Variants in RNF220 observed in about 807,000 individuals in gnomAD.
RNF220 encodes ring finger protein 220.
Under a neutral mutation model 67.1 loss-of-function variants are expected in RNF220, and 7 were observed. The ratio of observed to expected loss-of-function variants is 0.10; its 90% CI spans 0.06 to 0.20. The LOEUF is 0.20. RNF220 is among the 10% of genes least tolerant of loss of function. The pLI is 1.00. For missense variants in RNF220, 565 were observed against 740.3 expected, an observed-to-expected ratio of 0.76 and a Z score of 2.75; for synonymous variants, 270 against 283.2, an observed-to-expected ratio of 0.95 and a Z score of 0.47.
chr1:44,533,785 T>G (rs1661005193), intron 2 of RNF220, among the ~76,000 whole-genome samples: 2 of 152,170 alleles, frequency 1.3e-5, no homozygotes, highest in African/African-American at 4.8e-5. Context: ...GAGTTGGCAC[T>G]GGAAAAAAGT....
chr1:44,426,216 G>T (rs1341654089), intron 2 of RNF220, among the ~76,000 whole-genome samples: 1 of 152,190 alleles, frequency 6.6e-6, no homozygotes, highest in Non-Finnish European at 1.5e-5. Context: ...TGGCTCAGAG[G>T]CACAGTGCTT....
chr1:44,557,655 TTA>T, intron 2 of RNF220, among the ~76,000 whole-genome samples: 1 of 152,314 alleles, frequency 6.6e-6, no homozygotes. Flanking sequence ...TTAAATTCAT[TTA>T]TGTTTTCTGC....
chr1:44,553,142 C>G (rs1267624585), intron 2 of RNF220, among the ~76,000 whole-genome samples: 1 of 152,108 alleles, frequency 6.6e-6, no homozygotes, highest in African/African-American at 2.4e-5. Context: ...CTGTCCACCC[C>G]ACAAGAGTAG....
chr1:44,542,562 C>G (rs1661758840), intron 2 of RNF220, among the ~76,000 whole-genome samples: 1 of 152,168 alleles, frequency 6.6e-6, no homozygotes, highest in Non-Finnish European at 1.5e-5. Context: ...CAGCGTGTCC[C>G]CAGGGGGGAG....
At chr1:44,595,250 CA>C in intron 2 of RNF220, among the ~76,000 whole-genome samples, 1 of 152,296 alleles carries the variant, frequency 6.6e-6, no homozygotes, top group Admixed American at 6.5e-5. Flanking sequence ...AAAGGGCACC[CA>C]ACACCTCGGC....
intron 8 of RNF220, among the ~76,000 whole-genome samples, chr1:44,642,307 A>G (rs557245815): frequency 6.6e-6 from 1 of 152,236 alleles, no homozygotes; most frequent in South Asian, 2.1e-4. Context: ...GAAGCTCTCT[A>G]TTCTCAACAT....
At chr1:44,415,048 C>G (rs1462066619) in intron 2 of RNF220, among the ~76,000 whole-genome samples, 1 of 146,990 alleles carries the variant, frequency 6.8e-6, no homozygotes, top group Non-Finnish European at 1.5e-5. Context: ...TTAGCACATC[C>G]CTCACTGGGT....
At chr1:44,506,511 G>A (rs1379582334) in intron 2 of RNF220, among the ~76,000 whole-genome samples, 1 of 152,270 alleles carries the variant, frequency 6.6e-6, no homozygotes, top group Admixed American at 6.5e-5. Flanking sequence ...TGGTTTGCCA[G>A]AAGTGGATCC....
Position 44,500,943 on chromosome 1 carries a change from C to G in RNF220, c.625+88221C>G, listed in dbSNP as rs531442494. Reference sequence around the variant, plus strand: ...CCTTCGGGCATAGACGGGCCCTTGGCTCTTCTGTCCTGTCAGAGAGTGGGC... The same window carrying G: ...CCTTCGGGCATAGACGGGCCCTTGGGTCTTCTGTCCTGTCAGAGAGTGGGC... On this transcript the variant is annotated intron_variant, in intron 2 of 14. Coordinates refer to ENST00000361799, the MANE Select transcript of RNF220 (RefSeq NM_018150.4). 2.0e-5 allele frequency among the ~76,000 whole-genome samples: 3 copies of G among 152,192 alleles called. No individual in the cohort carries two copies. In the South Asian group the frequency reaches 6.2e-4, roughly 32 times the overall value.
chr1:44,472,039 G>A (rs1654860208), intron 2 of RNF220, among the ~76,000 whole-genome samples: 1 of 152,116 alleles, frequency 6.6e-6, no homozygotes, highest in Non-Finnish European at 1.5e-5. Context: ...ATTGTAGCAT[G>A]TTTCAATACT....
intron 2 of RNF220, among the ~76,000 whole-genome samples, chr1:44,607,691 G>A (rs1468916257): frequency 1.2e-4 from 18 of 151,560 alleles, no homozygotes; most frequent in African/African-American, 3.9e-4. Context: ...GGGTTTCACT[G>A]TGTTAGCCAG....
intron 2 of RNF220, among the ~76,000 whole-genome samples, chr1:44,518,478 C>T (rs2148146708): frequency 6.6e-6 from 1 of 152,332 alleles, no homozygotes; most frequent in South Asian, 2.1e-4. Context: ...AGCTCATGAT[C>T]TTTCCTCTTC....
At chr1:44,573,683 T>C (rs1572920587) in intron 2 of RNF220, among the ~76,000 whole-genome samples, 2 of 152,208 alleles carry the variant, frequency 1.3e-5, no homozygotes, top group Admixed American at 1.3e-4. Flanking sequence ...AGACTATAGA[T>C]GGTAGTTGAT....
intron 2 of RNF220, among the ~76,000 whole-genome samples, chr1:44,418,667 T>C (rs1268917995): frequency 1.3e-5 from 2 of 151,806 alleles, no homozygotes; most frequent in Non-Finnish European, 2.9e-5. Flanking sequence ...ACACACATTG[T>C]ATCCAAATAA....
At chr1:44,555,737 A>G (rs1023519232) in intron 2 of RNF220, among the ~76,000 whole-genome samples, 1 of 150,462 alleles carries the variant, frequency 6.6e-6, no homozygotes, top group African/African-American at 2.5e-5. Context: ...GGCCTCCCAA[A>G]GTGCTGAGAT....
At chr1:44,634,017 G>A (rs911480309) in intron 6 of RNF220, among the ~76,000 whole-genome samples, 1 of 152,274 alleles carries the variant, frequency 6.6e-6, no homozygotes, top group Non-Finnish European at 1.5e-5. Context: ...GAGATGGACT[G>A]GGCTACAGAC....
At chr1:44,408,460 G>A (rs1053388054) in intron 1 of RNF220, among the ~76,000 whole-genome samples, 1 of 152,076 alleles carries the variant, frequency 6.6e-6, no homozygotes, top group Non-Finnish European at 1.5e-5. Flanking sequence ...ATACCCCCTG[G>A]GCATTTGGTG....
intron 3 of RNF220, among the ~76,000 whole-genome samples, chr1:44,618,108 T>C (rs1643638238): frequency 6.6e-6 from 1 of 152,174 alleles, no homozygotes. Flanking sequence ...CTCTTCAGAC[T>C]GGCCTGGTGT....
At chr1:44,476,978 ATTGG>A (rs1655356533) in intron 2 of RNF220, among the ~76,000 whole-genome samples, 1 of 152,194 alleles carries the variant, frequency 6.6e-6, no homozygotes, top group South Asian at 2.1e-4. Context: ...TTTTGGCCAA[ATTGG>A]TTGGTTAAGC....
Sources: allele counts gnomAD v4.1 joint callset (sites outside exome capture counted in the v4.1 genomes callset), GRCh38; gene constraint gnomAD v4.1.1; transcripts MANE v1.5; gene names NCBI Gene and HGNC (gene_info 2026-07-23, HGNC 2026-07-21).